Variants in OSBPL10 observed in about 807,000 individuals in gnomAD.
OSBPL10 encodes the protein oxysterol-binding protein-related protein 10.
A neutral mutation model predicts 81.7 loss-of-function variants in OSBPL10; 49 were observed. That is an observed-to-expected ratio of 0.60 (90% confidence interval 0.48 to 0.76). The LOEUF is 0.76. Ranked by LOEUF, OSBPL10 falls within the 30% of genes least tolerant of loss-of-function variation. The pLI is 0.00. For synonymous variants in OSBPL10, 419 were observed against 383.6 expected (o/e 1.09, Z -1.08); for missense variants, 923 against 987.8 (o/e 0.93, Z 0.88).
At chr3:32,005,353 T>C (rs1699194020) in intron 2 of OSBPL10, among the ~76,000 whole-genome samples, 1 of 152,166 alleles carries the variant, frequency 6.6e-6, no homozygotes, top group Non-Finnish European at 1.5e-5. Flanking sequence ...ATCCATTCCC[T>C]GAGCAGTAAA....
intron 7 of OSBPL10, among the ~76,000 whole-genome samples, chr3:31,695,019 G>A (rs1055579827): frequency 6.6e-6 from 1 of 152,192 alleles, no homozygotes; most frequent in Admixed American, 6.5e-5. Flanking sequence ...CTCCCAAAGT[G>A]CTGGAATTAC....
At chr3:31,664,837 A>T (rs1160874814) in intron 10 of OSBPL10, among the ~76,000 whole-genome samples, 1 of 152,064 alleles carries the variant, frequency 6.6e-6, no homozygotes. Context: ...ATCTCCCCCC[A>T]TGTCTACACA....
At chr3:31,728,319 TG>T (rs1696872159) in intron 6 of OSBPL10, among the ~76,000 whole-genome samples, 1 of 152,168 alleles carries the variant, frequency 6.6e-6, no homozygotes, top group South Asian at 2.1e-4. Context: ...GTTGACAGTA[TG>T]CTATTGAGGA....
intron 1 of OSBPL10, among the ~76,000 whole-genome samples, chr3:32,055,661 G>T (rs1167561885): frequency 6.6e-6 from 1 of 152,164 alleles, no homozygotes; most frequent in Non-Finnish European, 1.5e-5. Context: ...CACAATTGGA[G>T]ACATTGATTA....
rs543503674 is a variant in OSBPL10, at chr3:31,975,614, C to T, written c.281+5285G>A. On this transcript the variant is annotated intron_variant, in intron 1 of 11. Coordinates refer to ENST00000396556, the MANE Select transcript of OSBPL10 (RefSeq NM_017784.5). ...GCCCTAAATCAGGGTGGGCACGTCA[C>T]AGGAAGAGTCATACTCCCTGATCCA... is the stretch of plus-strand genomic sequence containing the variant. Among the ~76,000 whole-genome samples, 21 of 152,260 alleles carry T rather than the reference C, an allele frequency of 1.4e-4. No individual in the cohort carries two copies. The South Asian group carries it at 4.4e-3, about 32-fold the overall frequency.
chr3:31,764,395 G>A lies in OSBPL10; in HGVS notation c.730-16275C>T, dbSNP rs997597366. 3.9e-5 allele frequency among the ~76,000 whole-genome samples: 6 copies of A among 152,184 alleles called. No homozygotes were observed. In the East Asian group the frequency reaches 9.6e-4, roughly 24 times the overall value. On this transcript the variant is annotated intron_variant, in intron 4 of 11. Coordinates refer to ENST00000396556, the MANE Select transcript of OSBPL10 (RefSeq NM_017784.5). ...GAGATGCCTGATGTATGTTTGTTGGGTGGATAAATGGAGGAGAGGGGACGG... is the reference window on the plus strand; with the variant it reads ...GAGATGCCTGATGTATGTTTGTTGGATGGATAAATGGAGGAGAGGGGACGG...
chr3:31,713,163 A>G (rs1696319541), intron 6 of OSBPL10, among the ~76,000 whole-genome samples: 1 of 152,160 alleles, frequency 6.6e-6, no homozygotes, highest in Admixed American at 6.5e-5. Context: ...ACTAAATGTC[A>G]AAGTCCTGAC....
At chr3:31,839,329 G>C (rs1700437396) in intron 3 of OSBPL10, among the ~76,000 whole-genome samples, 2 of 152,140 alleles carry the variant, frequency 1.3e-5, no homozygotes, top group South Asian at 4.1e-4. Context: ...ATTATTCAGA[G>C]ATTCAGCAAG....
chr3:31,858,816 C>T (rs1700990297), intron 3 of OSBPL10, among the ~76,000 whole-genome samples: 1 of 152,162 alleles, frequency 6.6e-6, no homozygotes, highest in African/African-American at 2.4e-5. Context: ...AACATTTGGG[C>T]AGTCTATCAA....
Position 31,864,922 on chromosome 3 carries a change from C to T in OSBPL10, c.537+11511G>A, listed in dbSNP as rs191049630. On this transcript the variant is annotated intron_variant, in intron 3 of 11. Transcript: ENST00000396556. The stretch of plus-strand genomic sequence containing the variant: ...CAGTGGCGTGAACAAGTAGCTGACC[C>T]GGACCACAGAGAACATTAGCTCCTG... 3.0e-3 allele frequency among the ~76,000 whole-genome samples: 452 copies of T among 152,096 alleles called. 3 individuals carry two copies. Among genetic ancestry groups the T allele is most frequent in the African/African-American group, 0.01 (416 of 41,480 alleles).
chr3:31,799,479 T>C (rs1199173253), intron 4 of OSBPL10, among the ~76,000 whole-genome samples: 2 of 151,018 alleles, frequency 1.3e-5, no homozygotes, highest in African/African-American at 4.9e-5. Context: ...CCACATTATC[T>C]ACCTGACTTT....
At chr3:31,742,681 C>A (rs2125686571) in intron 5 of OSBPL10, among the ~76,000 whole-genome samples, 1 of 152,304 alleles carries the variant, frequency 6.6e-6, no homozygotes, top group Non-Finnish European at 1.5e-5. Flanking sequence ...GAACTCAAAC[C>A]ATGTTACCTA....
intron 1 of OSBPL10, among the ~76,000 whole-genome samples, chr3:31,980,639 T>C (rs577095587): frequency 2.1e-4 from 32 of 152,176 alleles, no homozygotes; most frequent in South Asian, 1.9e-3. Flanking sequence ...GGTGCCAGCA[T>C]AGAAGAAAAC....
chr3:31,731,516 T>G (rs566981239), intron 6 of OSBPL10, among the ~76,000 whole-genome samples: 1 of 151,588 alleles, frequency 6.6e-6, no homozygotes, highest in East Asian at 1.9e-4. Flanking sequence ...TGAGATGGTG[T>G]CTCGTTCTGT....
intron 3 of OSBPL10, among the ~76,000 whole-genome samples, chr3:31,856,062 T>C (rs556379186): frequency 2.1e-3 from 284 of 137,190 alleles, no homozygotes; most frequent in African/African-American, 7.0e-3. Context: ...TACATTTATG[T>C]TTATATTACA....
chr3:31,887,678 GT>G (rs1695774903), intron 1 of OSBPL10, among the ~76,000 whole-genome samples: 1 of 152,130 alleles, frequency 6.6e-6, no homozygotes. Context: ...AAAATAGTAA[GT>G]TTTCTAGAAT....
Position 31,662,056 on chromosome 3 carries a change from C to G in OSBPL10, c.*16G>C, listed in dbSNP as rs143168802. ...AAAAACAGGGCTATACTGGAAAGCT[C>G]TGCACCTCCACCCCATCAGTGTGCT... On this transcript the variant is annotated 3_prime_UTR_variant, in exon 12 of 12. Coordinates refer to ENST00000396556, the MANE Select transcript of OSBPL10 (RefSeq NM_017784.5). 5.6e-5 allele frequency: 90 copies of G among 1,613,508 alleles called. No individual in the cohort carries two copies. In the East Asian group the frequency reaches 1.3e-3, roughly 23 times the overall value.
intron 1 of OSBPL10, among the ~76,000 whole-genome samples, chr3:31,969,886 G>A (rs573751389): frequency 6.6e-6 from 1 of 150,860 alleles, no homozygotes; most frequent in East Asian, 2.0e-4. Context: ...AAAAAAACAC[G>A]AGGCCTCTTC....
At chr3:31,929,532 G>C (rs1226729714) in intron 1 of OSBPL10, among the ~76,000 whole-genome samples, 4 of 151,932 alleles carry the variant, frequency 2.6e-5, no homozygotes, top group Admixed American at 1.3e-4. Flanking sequence ...TGGATCACAA[G>C]GTCAGGAGAT....
Sources: gnomAD v4.1 joint callset for allele counts (sites outside exome capture counted in the v4.1 genomes callset) on GRCh38, gnomAD v4.1.1 for gene constraint, MANE v1.5 for transcripts, NCBI Gene and HGNC (gene_info 2026-07-23, HGNC 2026-07-21) for gene names.